SLC39A14: variants seen among roughly 807,000 people sequenced by gnomAD.
SLC39A14 encodes the protein solute carrier family 39 member 14.
In SLC39A14, 19 loss-of-function variants were observed where a neutral mutation model predicts 45.5. The ratio of observed to expected loss-of-function variants is 0.42; its 90% CI spans 0.29 to 0.61. The LOEUF (loss-of-function observed/expected upper bound fraction) is 0.61. SLC39A14 is among the 20% of genes least tolerant of loss of function. SLC39A14 has a pLI of 0.22. For synonymous variants in SLC39A14, 264 were observed against 251.3 expected (o/e 1.05, Z -0.48); for missense variants, 447 against 616.5 (o/e 0.73, Z 2.91).
chr8:22,427,991 C>A (rs527451306), intron 8 of SLC39A14, among the ~76,000 whole-genome samples: 11 of 152,036 alleles, frequency 7.2e-5, no homozygotes, highest in African/African-American at 2.4e-4. Context: ...AACAGTGAGA[C>A]CTGTCTCTAT....
At chr8:22,380,939 G>C (rs1737447166) in intron 1 of SLC39A14, among the ~76,000 whole-genome samples, 1 of 151,270 alleles carries the variant, frequency 6.6e-6, no homozygotes, top group African/African-American at 2.4e-5. Context: ...GCCTCCCAAA[G>C]TGCTGGAATT....
chr8:22,391,935 ACTT>A (rs1184079951), intron 1 of SLC39A14, among the ~76,000 whole-genome samples: 3 of 152,288 alleles, frequency 2.0e-5, no homozygotes, highest in Non-Finnish European at 4.4e-5. Context: ...GGGAGGCAAA[ACTT>A]CTCTGTCTCT....
chr8:22,381,297 CAG>C (rs1833497947), intron 1 of SLC39A14, among the ~76,000 whole-genome samples: 1 of 142,616 alleles, frequency 7.0e-6, no homozygotes, highest in African/African-American at 2.7e-5. Flanking sequence ...CTCCCCGAGA[CAG>C]AGTCTCGCTC....
chr8:22,410,593 G>T (rs1485850905), intron 3 of SLC39A14, among the ~76,000 whole-genome samples: 4 of 152,162 alleles, frequency 2.6e-5, no homozygotes. Context: ...CTTTAATTTT[G>T]AGCAGGCCAT....
intron 1 of SLC39A14, among the ~76,000 whole-genome samples, chr8:22,380,713 G>A (rs1484436908): frequency 6.6e-6 from 1 of 151,246 alleles, no homozygotes; most frequent in African/African-American, 2.4e-5. Context: ...GTCTCACTCT[G>A]TCGCCCAGGC....
chr8:22,394,008 G>T (rs1834228066), intron 1 of SLC39A14, among the ~76,000 whole-genome samples: 1 of 129,826 alleles, frequency 7.7e-6, no homozygotes, highest in Non-Finnish European at 1.6e-5. Flanking sequence ...ATCTGAAGGG[G>T]TGTTTTTTTT....
chr8:22,401,789 G>A (rs890593303), intron 1 of SLC39A14, among the ~76,000 whole-genome samples: 33 of 151,870 alleles, frequency 2.2e-4, no homozygotes, highest in African/African-American at 7.5e-4. Context: ...GCTGGCCTTG[G>A]TCTCCCGAAG....
At chr8:22,371,829 C>G (rs186772968) in intron 1 of SLC39A14, among the ~76,000 whole-genome samples, 446 of 151,302 alleles carry the variant, frequency 2.9e-3, no homozygotes, top group Non-Finnish European at 4.5e-3. Context: ...ACTGCAAACT[C>G]TGCCTCCCGG....
intron 8 of SLC39A14, among the ~76,000 whole-genome samples, chr8:22,428,959 T>C (rs558432847): frequency 2.8e-4 from 43 of 152,284 alleles, no homozygotes; most frequent in African/African-American, 1.0e-3. Context: ...GAGTTCTGCA[T>C]TGTGTCTTTG....
chr8:22,414,208 A>G (rs1835743970), intron 4 of SLC39A14, among the ~76,000 whole-genome samples: 1 of 152,176 alleles, frequency 6.6e-6, no homozygotes, highest in South Asian at 2.1e-4. Context: ...GAAAGGACTC[A>G]AAACAAAACC....
intron 2 of SLC39A14, 126 bp downstream of exon 2, chr8:22,405,106 G>A (rs1406647373): frequency 3.7e-6 from 3 of 809,690 alleles, no homozygotes; most frequent in East Asian, 2.7e-5. Flanking sequence ...GACAAGTCTC[G>A]ATGATAGAGT....
Position 22,419,447 on chromosome 8 carries a change from TTTTC to T in SLC39A14, c.1333-101_1333-98del, listed in dbSNP as rs1434355269. ...GAGCCGCTGCACCTGGCCCTGATAA[TTTTC>T]TTTGTCAACCAACCTGATCTATATC... On this transcript the variant is annotated intron_variant, in intron 8 of 8. Coordinates refer to ENST00000381237, the MANE Select transcript of SLC39A14 (RefSeq NM_001128431.4). 9.3e-6 allele frequency: 11 copies of T among 1,183,108 alleles called. No homozygotes were observed. In the African/African-American group the frequency reaches 1.7e-4, roughly 18 times the overall value. 73.3% of individuals were successfully genotyped at this position (1,183,108 alleles called of 1,614,324 possible).
chr8:22,420,377 A>G lies in SLC39A14; in HGVS notation c.*679A>G. 1 of 985,418 alleles carries G rather than the reference A, an allele frequency of 1.0e-6. No individual in the cohort carries two copies. Among genetic ancestry groups the G allele is most frequent in the Non-Finnish European group, 1.2e-6 (1 of 829,952 alleles). 61.0% of individuals were successfully genotyped at this position (985,418 alleles called of 1,614,324 possible). On this transcript the variant is annotated 3_prime_UTR_variant, in exon 9 of 9. Coordinates refer to ENST00000381237, the MANE Select transcript of SLC39A14 (RefSeq NM_001128431.4). ...TGCTGGATATTGATTTTGTAACAGC[A>G]CCTGGTGTTTCACGGCTGTCCGAGT...
intron 1 of SLC39A14, among the ~76,000 whole-genome samples, chr8:22,369,581 G>A (rs1832822375): frequency 6.6e-6 from 1 of 152,220 alleles, no homozygotes; most frequent in African/African-American, 2.4e-5. Flanking sequence ...GAACAAGATA[G>A]CAACACAAGA....
At position 22,421,140 on chromosome 8, in the gene SLC39A14, C is replaced by T; in HGVS notation, c.*1442C>T. Reference sequence around the variant, plus strand: ...TTTGGGGAGCCTGTCTCTCCAGAAGCCTTTCTTAGTGGTGCCCACAGTTGG... The same window carrying T: ...TTTGGGGAGCCTGTCTCTCCAGAAGTCTTTCTTAGTGGTGCCCACAGTTGG... On this transcript the variant is annotated 3_prime_UTR_variant, in exon 9 of 9. Transcript: ENST00000381237. 1 of 985,808 alleles carries T rather than the reference C, an allele frequency of 1.0e-6. No individual in the cohort carries two copies. Among genetic ancestry groups the T allele is most frequent in the South Asian group, 4.7e-5 (1 of 21,290 alleles). 61.1% of individuals were successfully genotyped at this position (985,808 alleles called of 1,614,324 possible).
At chr8:22,379,811 C>T (rs563722448) in intron 1 of SLC39A14, among the ~76,000 whole-genome samples, 2 of 151,578 alleles carry the variant, frequency 1.3e-5, no homozygotes, top group South Asian at 2.1e-4. Flanking sequence ...TGCCTGTAAT[C>T]CCAGCTACTC....
At position 22,415,855 on chromosome 8, in the gene SLC39A14, C is replaced by T. The variant is rs533998906; in HGVS notation, c.837C>T (p.Asn279=). 37 of 1,613,380 alleles carry T rather than the reference C, an allele frequency of 2.3e-5. No individual in the cohort carries two copies. The highest frequency in any genetic ancestry group is 1.6e-4 in the African/African-American group (12 of 74,950). ...AGGGGGTGATGGAGAAGCTGCAGAA[C>T]GGGGACCTGGACCACATGATTCCTC... ...QEEGVMEKLQ[N]GDLDHMIPQH... Residue 279 remains asparagine (N), a synonymous_variant, in exon 6 of 9, where the codon AAC becomes AAT. Coordinates refer to ENST00000381237, the MANE Select transcript of SLC39A14 (RefSeq NM_001128431.4).
In SLC39A14 at chr8:22,421,014, C is replaced by G; in HGVS notation, c.*1316C>G. 1 of 985,880 alleles carries G rather than the reference C, an allele frequency of 1.0e-6. No homozygotes were observed. The highest frequency in any genetic ancestry group is 1.2e-6 in the Non-Finnish European group (1 of 829,946). The allele number at this position is 985,880 out of a possible 1,614,324, so 61.1% of individuals were successfully genotyped here. A position where few individuals can be genotyped will look rare whatever the true frequency, so the allele number is the denominator to read the frequency against. ...AGGCCAGCCTTAGCCACTGTGGAGC[C>G]CTTGCCTCCGAGCTCTGGCTTCAAG... On this transcript the variant is annotated 3_prime_UTR_variant, in exon 9 of 9. Transcript: ENST00000381237.
chr8:22,375,360 CTT>C (rs1209740656), intron 1 of SLC39A14, among the ~76,000 whole-genome samples: 1 of 151,456 alleles, frequency 6.6e-6, no homozygotes, highest in Non-Finnish European at 1.5e-5. Context: ...TGCAGTCTCT[CTT>C]TACATATTGG....
Sources: gnomAD v4.1 joint callset for allele counts (sites outside exome capture counted in the v4.1 genomes callset) on GRCh38, gnomAD v4.1.1 for gene constraint, MANE v1.5 for transcripts, NCBI Gene and HGNC (gene_info 2026-07-23, HGNC 2026-07-21) for gene names.